SIK3: variants seen among roughly 807,000 people sequenced by gnomAD.
SIK3 encodes the protein SIK family kinase 3.
A neutral mutation model predicts 144.2 loss-of-function variants in SIK3; 28 were observed. The observed-to-expected ratio is 0.19, with a 90% CI of 0.14 to 0.27. The LOEUF is 0.27. Ranked by LOEUF, SIK3 falls within the 10% of genes least tolerant of loss-of-function variation. SIK3 has a pLI of 1.00. For synonymous variants in SIK3, 686 were observed against 676.3 expected (o/e 1.01, Z -0.22); for missense variants, 1,319 against 1,776.0 (o/e 0.74, Z 4.62).
chr11:116,911,614 T>G lies in SIK3; in HGVS notation c.617-14297A>C, dbSNP rs115419391. On this transcript the variant is annotated intron_variant, in intron 4 of 24. Transcript: ENST00000445177. ...TGCATAGTAAAAAGACAAAAGAAAATGCATTCAAAATGTTAACAATGGTTT... is the reference window on the plus strand; with the variant it reads ...TGCATAGTAAAAAGACAAAAGAAAAGGCATTCAAAATGTTAACAATGGTTT... 5.5e-3 allele frequency among the ~76,000 whole-genome samples: 841 copies of G among 152,146 alleles called. 6 individuals carry two copies. The highest frequency in any genetic ancestry group is 0.019 in the African/African-American group (806 of 41,502).
In SIK3 at chr11:116,918,727, T is replaced by C. The variant is rs12287802; in HGVS notation, c.616+8492A>G. Among the ~76,000 whole-genome samples, 532 of 152,250 alleles carry C rather than the reference T, an allele frequency of 3.5e-3. 5 individuals carry two copies. Among genetic ancestry groups the C allele is most frequent in the African/African-American group, 0.012 (511 of 41,556 alleles). Reference sequence around the variant, plus strand: ...ACGAGAAACCGTAGGCTAAATAGGGTGCACCTTCCTGGAACATCAACGTTT... The same window carrying C: ...ACGAGAAACCGTAGGCTAAATAGGGCGCACCTTCCTGGAACATCAACGTTT... On this transcript the variant is annotated intron_variant, in intron 4 of 24. Coordinates refer to ENST00000445177, the MANE Select transcript of SIK3 (RefSeq NM_001366686.3).
intron 1 of SIK3, among the ~76,000 whole-genome samples, chr11:117,007,095 C>T (rs928408428): frequency 6.6e-6 from 1 of 152,142 alleles, no homozygotes; most frequent in African/African-American, 2.4e-5. Context: ...ATAAAAGGAT[C>T]GGCTGGGCAC....
At chr11:116,944,211 C>A (rs1948457564) in intron 3 of SIK3, among the ~76,000 whole-genome samples, 1 of 152,066 alleles carries the variant, frequency 6.6e-6, no homozygotes, top group Non-Finnish European at 1.5e-5. Flanking sequence ...AAGAGAAGGC[C>A]TGGCCTTCCC....
chr11:117,070,475 T>C (rs1436799740), intron 1 of SIK3, among the ~76,000 whole-genome samples: 6 of 152,072 alleles, frequency 3.9e-5, no homozygotes, highest in Admixed American at 2.6e-4. Context: ...AGACAGAGTT[T>C]CACTCTTGTC....
At chr11:117,009,910 C>T (rs923603997) in intron 1 of SIK3, among the ~76,000 whole-genome samples, 2 of 152,142 alleles carry the variant, frequency 1.3e-5, no homozygotes, top group Admixed American at 6.5e-5. Context: ...TAACACTTAC[C>T]AATCCCACAA....
chr11:117,071,405 T>C (rs562288421), intron 1 of SIK3, among the ~76,000 whole-genome samples: 202 of 151,606 alleles, frequency 1.3e-3, no homozygotes, highest in Non-Finnish European at 2.6e-3. Flanking sequence ...CCACTGAACC[T>C]TGAAGGCAGG....
intron 3 of SIK3, among the ~76,000 whole-genome samples, chr11:116,931,816 C>G (rs1403059073): frequency 1.3e-5 from 2 of 152,190 alleles, no homozygotes; most frequent in East Asian, 3.8e-4. Flanking sequence ...GCCAAGATAA[C>G]TCAGCTCCCC....
chr11:117,015,597 G>A lies in SIK3; in HGVS notation c.274-58533C>T, dbSNP rs566634443. On this transcript the variant is annotated intron_variant, in intron 1 of 24. Transcript: ENST00000445177. ...CAGCTAATTTTTTTTTTTTTGAGAC[G>A]TTGTTTCACTCTTATTGCCCAGGCT... is the stretch of plus-strand genomic sequence containing the variant. Among the ~76,000 whole-genome samples, 17 of 145,704 alleles carry A rather than the reference G, an allele frequency of 1.2e-4. No individual in the cohort carries two copies. The South Asian group carries it at 2.4e-3, about 21-fold the overall frequency.
At chr11:116,917,182 G>A (rs1313289224) in intron 4 of SIK3, among the ~76,000 whole-genome samples, 1 of 151,950 alleles carries the variant, frequency 6.6e-6, no homozygotes, top group African/African-American at 2.4e-5. Context: ...GAGCACTCTG[G>A]GTGATTCGTT....
chr11:117,097,539 G>A (rs1220599674), intron 1 of SIK3, among the ~76,000 whole-genome samples: 1 of 147,496 alleles, frequency 6.8e-6, no homozygotes, highest in Non-Finnish European at 1.5e-5. Context: ...CACTAATCGT[G>A]TCTCCTCGGG....
At chr11:117,009,276 T>C (rs999359247) in intron 1 of SIK3, among the ~76,000 whole-genome samples, 4 of 146,612 alleles carry the variant, frequency 2.7e-5, no homozygotes, top group African/African-American at 1.0e-4. Context: ...CCAGGCATGA[T>C]AGCTCATGCC....
At chr11:116,987,292 T>C (rs918248947) in intron 1 of SIK3, among the ~76,000 whole-genome samples, 1 of 147,922 alleles carries the variant, frequency 6.8e-6, no homozygotes, top group African/African-American at 2.5e-5. Flanking sequence ...CTAAGAGAAA[T>C]GTGTGTATTG....
intron 14 of SIK3, chr11:116,870,023 GC>G: frequency 9.5e-7 from 1 of 1,058,042 alleles, no homozygotes; most frequent in Non-Finnish European, 1.3e-6. Context: ...CAGGCTTTGT[GC>G]CTTGTGAATA....
chr11:116,980,900 A>G (rs1039338112), intron 1 of SIK3, among the ~76,000 whole-genome samples: 11 of 152,112 alleles, frequency 7.2e-5, no homozygotes, highest in African/African-American at 9.7e-5. Context: ...GATCATCATC[A>G]TAAGTCTGGG....
chr11:116,876,292 G>A lies in SIK3; in HGVS notation c.1056C>T (p.Ala352=), dbSNP rs752348111. Residue 352 remains alanine (A), a synonymous_variant, in exon 8 of 25, where the codon GCC becomes GCT. Transcript: ENST00000445177. The part of the protein sequence containing the change: ...VDPLNEDVLL[A]MEDMGLDKEQ... ...CTTTGTCCAGTCCCATGTCCTCCAT[G>A]GCCAAGAGGACATCCTCATTCAGGG... 3 of 1,614,180 alleles carry A rather than the reference G, an allele frequency of 1.9e-6. No individual in the cohort carries two copies. Among genetic ancestry groups the A allele is most frequent in the Admixed American group, 3.3e-5 (2 of 60,012 alleles).
At chr11:116,974,115 G>A (rs1043228369) in intron 1 of SIK3, among the ~76,000 whole-genome samples, 1 of 152,150 alleles carries the variant, frequency 6.6e-6, no homozygotes, top group African/African-American at 2.4e-5. Flanking sequence ...GGGTATTTGG[G>A]ACCTCTGTAC....
At chr11:116,859,632 C>G in intron 19 of SIK3, 28 bp from the exon 20 acceptor site, 1 of 1,596,720 alleles carries the variant, frequency 6.3e-7, no homozygotes, top group Non-Finnish European at 8.6e-7. Flanking sequence ...TCAGAGTGAC[C>G]AAGTGCCCAG....
intron 1 of SIK3, among the ~76,000 whole-genome samples, chr11:117,074,494 T>C (rs1954417384): frequency 6.6e-6 from 1 of 152,218 alleles, no homozygotes; most frequent in Non-Finnish European, 1.5e-5. Flanking sequence ...CAAATAGACA[T>C]TTATGAACAT....
intron 1 of SIK3, among the ~76,000 whole-genome samples, chr11:117,021,401 C>T (rs1247667506): frequency 6.6e-6 from 1 of 152,076 alleles, no homozygotes; most frequent in Non-Finnish European, 1.5e-5. Flanking sequence ...ATTGTCAGAA[C>T]CCCACTCTTT....
Sources: gnomAD v4.1 joint callset for allele counts (sites outside exome capture counted in the v4.1 genomes callset) on GRCh38, gnomAD v4.1.1 for gene constraint, MANE v1.5 for transcripts, NCBI Gene and HGNC (gene_info 2026-07-23, HGNC 2026-07-21) for gene names.